ASXL3: variants seen among roughly 807,000 people sequenced by gnomAD.
ASXL3 encodes the protein ASXL transcriptional regulator 3.
In ASXL3, 34 loss-of-function variants were observed where a neutral mutation model predicts 170.6. The observed-to-expected ratio is 0.20, with a 90% CI of 0.15 to 0.27. The LOEUF (loss-of-function observed/expected upper bound fraction) is 0.27. ASXL3 is among the 10% of genes least tolerant of loss of function. The probability of loss-of-function intolerance (pLI) is 1.00; values close to 1 mark genes in which losing one functional copy is unlikely to be tolerated. For missense variants in ASXL3, 2,592 were observed against 2,695.3 expected (o/e 0.96, Z 0.85); for synonymous variants, 1,002 against 989.1 (o/e 1.01, Z -0.24).
intron 5 of ASXL3, among the ~76,000 whole-genome samples, chr18:33,666,515 T>C (rs896216387): frequency 2.6e-5 from 4 of 152,192 alleles, no homozygotes; most frequent in Non-Finnish European, 2.9e-5. Context: ...TTCTTAATCC[T>C]ATTTTCTTAA....
intron 8 of ASXL3, among the ~76,000 whole-genome samples, chr18:33,704,836 A>G (rs991679971): frequency 3.9e-5 from 6 of 151,918 alleles, no homozygotes; most frequent in Non-Finnish European, 7.4e-5. Flanking sequence ...GTGAGTATAG[A>G]AAGGTTGTTT....
At chr18:33,635,431 G>T (rs2065749712) in intron 2 of ASXL3, among the ~76,000 whole-genome samples, 1 of 152,202 alleles carries the variant, frequency 6.6e-6, no homozygotes, top group Non-Finnish European at 1.5e-5. Context: ...CCTCTGGTTA[G>T]CTTTATCCCC....
At position 33,609,017 on chromosome 18, in the gene ASXL3, A is replaced by G. The variant is rs559697552; in HGVS notation, c.137+1341A>G. The G allele has an allele frequency of 8.1e-6, 8 of 984,894 alleles. No individual in the cohort carries two copies. The South Asian group carries it at 1.9e-4, about 23-fold the overall frequency. The allele number at this position is 984,894 out of a possible 1,614,324, so 61.0% of individuals were successfully genotyped here. A position where few individuals can be genotyped will look rare whatever the true frequency, so the allele number is the denominator to read the frequency against. The stretch of plus-strand genomic sequence containing the variant: ...CTGGAGAAATAGCCTAAGATAATAT[A>G]ACCACGCTGTGTTTGTGCTAGTTGT... On this transcript the variant is annotated intron_variant, in intron 2 of 11. Transcript: ENST00000269197.
chr18:33,593,200 G>C (rs1280362198), intron 1 of ASXL3, among the ~76,000 whole-genome samples: 2 of 147,614 alleles, frequency 1.4e-5, no homozygotes, highest in African/African-American at 2.5e-5. Flanking sequence ...AGCAGACACT[G>C]TAACAATACT....
intron 2 of ASXL3, 57 bp downstream of exon 2, chr18:33,607,733 T>C (rs558316914): frequency 1.3e-5 from 17 of 1,317,020 alleles, no homozygotes; most frequent in Non-Finnish European, 1.3e-5. Context: ...TTGCCACTCG[T>C]TGCTAAGCGA....
chr18:33,713,266 T>TG (rs2067106662), intron 8 of ASXL3, among the ~76,000 whole-genome samples: 1 of 122,404 alleles, frequency 8.2e-6, no homozygotes, highest in African/African-American at 3.2e-5. Context: ...TTTTTTTTTT[T>TG]TTTTTTTTGA....
Position 33,671,873 on chromosome 18 carries a change from GT to G in ASXL3, c.715+10del. The G allele has an allele frequency of 6.3e-7, 1 of 1,579,758 alleles. No homozygotes were observed. On this transcript the variant is annotated splice_region_variant and intron_variant, in intron 7 of 11. Transcript: ENST00000269197. ...TTAAAAAAGTCTGGTTTAGGTGAGT[GT>G]TTAATAGACTATGCCATTTCACATT...
intron 8 of ASXL3, among the ~76,000 whole-genome samples, chr18:33,719,912 G>T (rs1214538939): frequency 1.3e-5 from 2 of 152,002 alleles, no homozygotes; most frequent in Non-Finnish European, 2.9e-5. Context: ...ATGGTACTTT[G>T]TTATTGCAGA....
chr18:33,694,052 C>T (rs542275821), intron 8 of ASXL3, among the ~76,000 whole-genome samples: 1 of 152,284 alleles, frequency 6.6e-6, no homozygotes, highest in African/African-American at 2.4e-5. Context: ...GGGTCAAAGT[C>T]ATCTTCTTGA....
Position 33,713,248 on chromosome 18 carries a change from G to GTTTT in ASXL3, c.880-18697_880-18694dup, listed in dbSNP as rs1226619353. 4.5e-4 allele frequency among the ~76,000 whole-genome samples: 29 copies of GTTTT among 65,086 alleles called. 1 individual carries two copies. The highest frequency in any genetic ancestry group is 7.5e-4 in the Non-Finnish European group (26 of 34,736). 42.7% of individuals were successfully genotyped at this position (65,086 alleles called of 152,430 possible). On this transcript the variant is annotated intron_variant, in intron 8 of 11. Transcript: ENST00000269197. ...AAGAAGGTTTTTTTTGTTTTGTTTT[G>GTTTT]TTTTTTTTTTTTTTTTTTTTTTTTT...
chr18:33,703,063 A>G (rs1359855031), intron 8 of ASXL3, among the ~76,000 whole-genome samples: 1 of 152,068 alleles, frequency 6.6e-6, no homozygotes, highest in African/African-American at 2.4e-5. Context: ...TCAGGTCCCA[A>G]GGGAGCTCTT....
At chr18:33,583,467 T>G (rs1358898089) in intron 1 of ASXL3, among the ~76,000 whole-genome samples, 1 of 152,220 alleles carries the variant, frequency 6.6e-6, no homozygotes, top group Non-Finnish European at 1.5e-5. Context: ...TCATCACCTT[T>G]TCTTTCAAAC....
Position 33,739,211 on chromosome 18 carries a change from T to G in ASXL3, c.1807T>G (p.Ser603Ala), listed in dbSNP as rs752410632. 6.2e-7 allele frequency: 1 copy of G among 1,613,858 alleles called. No individual in the cohort carries two copies. Among genetic ancestry groups the G allele is most frequent in the Non-Finnish European group, 8.5e-7 (1 of 1,179,836 alleles). The change falls in exon 11 of 12, where the codon TCA (serine) becomes GCA (alanine). Residue 603 changes from serine (S) to alanine (A), a missense_variant. Transcript: ENST00000269197. Reference protein sequence around the residue: ...ELQSDPEEQLSENACISETSF... With the variant: ...ELQSDPEEQLAENACISETSF... ...ACAGAGTGACCCTGAAGAACAGCTT[T>G]CAGAAAATGCCTGCATCTCTGAAAC...
chr18:33,693,201 T>A (rs992557394), intron 8 of ASXL3, among the ~76,000 whole-genome samples: 2 of 152,168 alleles, frequency 1.3e-5, no homozygotes, highest in Non-Finnish European at 2.9e-5. Context: ...GCTGAATACA[T>A]GTTTTTGGTA....
intron 8 of ASXL3, among the ~76,000 whole-genome samples, chr18:33,720,576 T>G (rs1432690058): frequency 6.6e-6 from 1 of 152,094 alleles, no homozygotes; most frequent in African/African-American, 2.4e-5. Context: ...CTACAACTTG[T>G]TCCAATTTTG....
intron 8 of ASXL3, among the ~76,000 whole-genome samples, chr18:33,685,700 G>A (rs1484803137): frequency 1.3e-5 from 2 of 152,120 alleles, no homozygotes; most frequent in African/African-American, 4.8e-5. Context: ...TTCTGATGAG[G>A]GCCTCAGGAA....
chr18:33,649,396 A>G (rs2065962953), intron 4 of ASXL3, among the ~76,000 whole-genome samples: 1 of 152,108 alleles, frequency 6.6e-6, no homozygotes, highest in South Asian at 2.1e-4. Flanking sequence ...TATTTTTCTC[A>G]GCAAAATAGA....
At chr18:33,648,072 G>T (rs2065942182) in intron 4 of ASXL3, among the ~76,000 whole-genome samples, 1 of 152,088 alleles carries the variant, frequency 6.6e-6, no homozygotes, top group Non-Finnish European at 1.5e-5. Flanking sequence ...AACAAAGCCA[G>T]GGAAGTTATG....
intron 1 of ASXL3, among the ~76,000 whole-genome samples, chr18:33,584,792 A>G (rs2145090599): frequency 6.6e-6 from 1 of 152,222 alleles, no homozygotes; most frequent in East Asian, 1.9e-4. Context: ...CTGTCTATAA[A>G]AGCAAGGCTG....
Sources: allele counts gnomAD v4.1 joint callset (sites outside exome capture counted in the v4.1 genomes callset), GRCh38; gene constraint gnomAD v4.1.1; transcripts MANE v1.5; gene names NCBI Gene and HGNC (gene_info 2026-07-23, HGNC 2026-07-21).